Variants in ABI1 observed in about 807,000 individuals in gnomAD.
ABI1 encodes the protein abl interactor 1.
In ABI1, 14 loss-of-function variants were observed where a neutral mutation model predicts 54.6. That is an observed-to-expected ratio of 0.26 (90% CI 0.17 to 0.40). ABI1 has a LOEUF of 0.40. ABI1 is among the 10% of genes least tolerant of loss of function. The pLI is 1.00. For missense variants in ABI1, 443 were observed against 598.3 expected (o/e 0.74, Z 2.71); for synonymous variants, 194 against 209.3 (o/e 0.93, Z 0.63).
Position 26,748,462 on chromosome 10 carries a change from T to C in ABI1, c.*108A>G. ...TCAATTTACCAATAAAACAGCATGT[T>C]CTGAAAATATGGGCACATTTTAAAA... On this transcript the variant is annotated 3_prime_UTR_variant, in exon 11 of 11. Transcript: ENST00000376140. The C allele has an allele frequency of 2.4e-6, 2 of 822,308 alleles. No individual in the cohort carries two copies. The highest frequency in any genetic ancestry group is 5.0e-5 in the South Asian group (2 of 39,860). 50.9% of individuals were successfully genotyped at this position (822,308 alleles called of 1,614,324 possible).
In ABI1 at chr10:26,771,101, C is replaced by CA. The variant is rs529518834; in HGVS notation, c.463-13dup. On this transcript the variant is annotated splice_polypyrimidine_tract_variant and intron_variant, in intron 3 of 10. Transcript: ENST00000376140. ...TTGGCTTTTAGCCACTTTACGTTGGCAAAAAAAGGGGGGGAAAAAGTAGAC... is the reference window on the plus strand; with the variant it reads ...TTGGCTTTTAGCCACTTTACGTTGGCAAAAAAAAGGGGGGGAAAAAGTAGAC... 143 of 1,609,816 alleles carry CA rather than the reference C, an allele frequency of 8.9e-5. 1 individual carries two copies. In the East Asian group the frequency reaches 1.4e-3, roughly 16 times the overall value.
intron 3 of ABI1, among the ~76,000 whole-genome samples, chr10:26,773,992 A>C (rs1341604540): frequency 6.6e-6 from 1 of 152,158 alleles, no homozygotes; most frequent in Non-Finnish European, 1.5e-5. Flanking sequence ...CAAGCACACA[A>C]ACACACAGTA....
intron 2 of ABI1, among the ~76,000 whole-genome samples, chr10:26,780,082 C>T (rs751688718): frequency 2.0e-5 from 3 of 152,112 alleles, no homozygotes; most frequent in Admixed American, 6.5e-5. Context: ...TACATTAAGG[C>T]AGACTTCTAA....
intron 2 of ABI1, among the ~76,000 whole-genome samples, chr10:26,782,039 C>T (rs759973129): frequency 1.3e-5 from 2 of 152,168 alleles, no homozygotes; most frequent in African/African-American, 4.8e-5. Context: ...ACATCACATG[C>T]TACTGGCAGA....
chr10:26,823,101 T>A, intron 2 of ABI1, 37 bp downstream of exon 2: 1 of 1,531,504 alleles, frequency 6.5e-7, no homozygotes, highest in Non-Finnish European at 8.8e-7. Flanking sequence ...CTGTAGTTTT[T>A]TTTAAATTGA....
intron 2 of ABI1, among the ~76,000 whole-genome samples, chr10:26,782,666 T>C (rs1459701894): frequency 6.7e-6 from 1 of 148,954 alleles, no homozygotes; most frequent in African/African-American, 2.5e-5. Context: ...GAGGCTGCAG[T>C]GAGCTGAGAT....
Position 26,747,656 on chromosome 10 carries a change from A to G in ABI1, c.*914T>C, listed in dbSNP as rs568567943. 2 of 198,020 alleles carry G rather than the reference A, an allele frequency of 1.0e-5. No homozygotes were observed. Among genetic ancestry groups the G allele is most frequent in the African/African-American group, 4.6e-5 (2 of 43,458 alleles). 12.3% of individuals were successfully genotyped at this position (198,020 alleles called of 1,614,324 possible). A position where few individuals can be genotyped will look rare whatever the true frequency, so the allele number is the denominator to read the frequency against. The stretch of plus-strand genomic sequence containing the variant: ...CAATTTGACACATTTTCTTAGTTTC[A>G]AAAGATTATTTAAAAAAGGAATTCA... On this transcript the variant is annotated 3_prime_UTR_variant, in exon 11 of 11. Transcript: ENST00000376140.
At chr10:26,754,863 C>A (rs1838096251) in intron 9 of ABI1, among the ~76,000 whole-genome samples, 1 of 152,146 alleles carries the variant, frequency 6.6e-6, no homozygotes, top group Non-Finnish European at 1.5e-5. Context: ...GATTACACAT[C>A]TTCTGGAATT....
intron 8 of ABI1, among the ~76,000 whole-genome samples, chr10:26,757,223 T>C (rs761066737): frequency 4.6e-5 from 7 of 152,076 alleles, no homozygotes; most frequent in Non-Finnish European, 8.8e-5. Context: ...CTACTACTAC[T>C]ACAACACCAA....
intron 1 of ABI1, among the ~76,000 whole-genome samples, chr10:26,855,800 G>A (rs922240692): frequency 4.6e-5 from 7 of 151,692 alleles, no homozygotes; most frequent in Non-Finnish European, 8.8e-5. Flanking sequence ...GTGAAACTCC[G>A]TCTCTACTAA....
intron 1 of ABI1, among the ~76,000 whole-genome samples, chr10:26,828,632 G>C (rs905327417): frequency 6.6e-6 from 1 of 152,116 alleles, no homozygotes; most frequent in Non-Finnish European, 1.5e-5. Flanking sequence ...CTAAACCAGA[G>C]AGAAACCACT....
chr10:26,807,016 A>G (rs1281625606), intron 2 of ABI1, among the ~76,000 whole-genome samples: 1 of 152,144 alleles, frequency 6.6e-6, no homozygotes, highest in Non-Finnish European at 1.5e-5. Context: ...CCATGTTTTC[A>G]TGGTTCTTCC....
chr10:26,835,140 C>G (rs1308459252), intron 1 of ABI1, among the ~76,000 whole-genome samples: 3 of 150,430 alleles, frequency 2.0e-5, no homozygotes, highest in Non-Finnish European at 4.4e-5. Flanking sequence ...TCATCTCACC[C>G]CCAGTTAAAA....
intron 1 of ABI1, among the ~76,000 whole-genome samples, chr10:26,847,611 G>C (rs2050075936): frequency 6.6e-6 from 1 of 151,820 alleles, no homozygotes; most frequent in Non-Finnish European, 1.5e-5. Flanking sequence ...GCAACAGAGA[G>C]AGACCCTGTC....
intron 2 of ABI1, among the ~76,000 whole-genome samples, chr10:26,799,942 T>C (rs2046433513): frequency 6.7e-6 from 1 of 149,656 alleles, no homozygotes. Flanking sequence ...TTATCACAGA[T>C]TCTAAAGACA....
chr10:26,815,144 T>C (rs1300883978), intron 2 of ABI1, among the ~76,000 whole-genome samples: 1 of 152,166 alleles, frequency 6.6e-6, no homozygotes, highest in African/African-American at 2.4e-5. Context: ...GTTTTAAGAA[T>C]AGCAATTTGG....
chr10:26,753,084 AG>A (rs957893713), intron 9 of ABI1, among the ~76,000 whole-genome samples: 2 of 152,182 alleles, frequency 1.3e-5, no homozygotes, highest in African/African-American at 4.8e-5. Context: ...TATACAACCA[AG>A]GGCTCCAGGT....
At position 26,751,904 on chromosome 10, in the gene ABI1, G is replaced by A. The variant is rs1837684071; in HGVS notation, c.1085-121C>T. The A allele has an allele frequency of 7.0e-6, 6 of 859,810 alleles. No homozygotes were observed. In the South Asian group the frequency reaches 1.6e-4, roughly 23 times the overall value. 53.3% of individuals were successfully genotyped at this position (859,810 alleles called of 1,614,324 possible). Reference sequence around the variant, plus strand: ...CATGCACTATAATAAAACATGCAATGATTAGAAATAAAAGCTTGGTGTGTT... The same window carrying A: ...CATGCACTATAATAAAACATGCAATAATTAGAAATAAAAGCTTGGTGTGTT... On this transcript the variant is annotated intron_variant, in intron 9 of 10. Transcript: ENST00000376140.
chr10:26,760,082 TAAAAAA>T (rs200610491), intron 7 of ABI1, among the ~76,000 whole-genome samples: 1 of 141,824 alleles, frequency 7.1e-6, no homozygotes, highest in African/African-American at 2.6e-5. Flanking sequence ...AATCTGCTTT[TAAAAAA>T]AAAAAAAAAA....
Sources: allele counts gnomAD v4.1 joint callset (sites outside exome capture counted in the v4.1 genomes callset), GRCh38; gene constraint gnomAD v4.1.1; transcripts MANE v1.5; gene names NCBI Gene and HGNC (gene_info 2026-07-23, HGNC 2026-07-21).